The following PHACTR1 variants were observed in gnomAD, a reference collection of about 807,000 sequenced individuals.
PHACTR1 encodes the protein phosphatase and actin regulator 1.
Under a neutral mutation model 69.2 loss-of-function variants are expected in PHACTR1, and 16 were observed. The observed-to-expected ratio is 0.23, with a 90% confidence interval of 0.16 to 0.35. The LOEUF (loss-of-function observed/expected upper bound fraction) is 0.35. Among genes scored for constraint, PHACTR1 ranks in the 10% least tolerant of loss-of-function variants. The pLI is 1.00. For missense variants in PHACTR1, 510 were observed against 734.7 expected (o/e 0.69, Z 3.54); for synonymous variants, 312 against 284.5 (o/e 1.10, Z -0.97).
Position 12,737,425 on chromosome 6 carries a change from G to A in PHACTR1, c.104-12219G>A, listed in dbSNP as rs529521747. Among the ~76,000 whole-genome samples the A allele has an allele frequency of 2.0e-4, 30 of 150,382 alleles. No individual in the cohort carries two copies. The South Asian group carries it at 5.7e-3, about 29-fold the overall frequency. ...CACACACACACACACACACACGCAT[G>A]CACACATATGTGTCCAGAGAGATGA... On this transcript the variant is annotated intron_variant, in intron 3 of 14. Coordinates refer to ENST00000332995, the MANE Select transcript of PHACTR1 (RefSeq NM_030948.6).
At chr6:12,753,690 T>C (rs1475007628) in intron 4 of PHACTR1, among the ~76,000 whole-genome samples, 1 of 152,160 alleles carries the variant, frequency 6.6e-6, no homozygotes, top group Non-Finnish European at 1.5e-5. Context: ...CCACCAAGGA[T>C]AGCTGTTTCT....
chr6:12,761,496 G>T (rs549484924), intron 4 of PHACTR1, among the ~76,000 whole-genome samples: 1 of 152,288 alleles, frequency 6.6e-6, no homozygotes, highest in African/African-American at 2.4e-5. Flanking sequence ...TTTTACAAGT[G>T]TTTTTGAGTC....
At position 13,059,009 on chromosome 6, in the gene PHACTR1, G is replaced by T. The variant is rs146074271; in HGVS notation, c.415+5480G>T. Among the ~76,000 whole-genome samples, 750 of 152,244 alleles carry T rather than the reference G, an allele frequency of 4.9e-3. 9 individuals carry two copies. The highest frequency in any genetic ancestry group is 0.017 in the Middle Eastern group (5 of 294). ...TGAACTAATGTCTGGTGGTAGAAAAGGATGGATTTGGGAGATTTTATAAGG... is the reference window on the plus strand; with the variant it reads ...TGAACTAATGTCTGGTGGTAGAAAATGATGGATTTGGGAGATTTTATAAGG... On this transcript the variant is annotated intron_variant, in intron 5 of 14. Coordinates refer to ENST00000332995, the MANE Select transcript of PHACTR1 (RefSeq NM_030948.6).
intron 4 of PHACTR1, among the ~76,000 whole-genome samples, chr6:12,867,959 TAAG>T (rs759489447): frequency 2.6e-5 from 4 of 152,068 alleles, no homozygotes; most frequent in African/African-American, 4.8e-5. Context: ...TTGCTGGGAA[TAAG>T]AAGTTCAGGT....
At chr6:13,077,120 CA>C (rs1393541024) in intron 5 of PHACTR1, among the ~76,000 whole-genome samples, 1 of 146,340 alleles carries the variant, frequency 6.8e-6, no homozygotes, top group East Asian at 2.0e-4. Context: ...CAAAAAAAAA[CA>C]CTGAAGTTGG....
rs927189748 is a variant in PHACTR1 at position 12,890,390 on chromosome 6, A to G, written c.250+140600A>G. 3.9e-5 allele frequency among the ~76,000 whole-genome samples: 6 copies of G among 152,080 alleles called. No individual in the cohort carries two copies. The South Asian group carries it at 1.2e-3, about 32-fold the overall frequency. On this transcript the variant is annotated intron_variant, in intron 4 of 14. Transcript: ENST00000332995. Reference sequence around the variant, plus strand: ...TACTGCAGCCAGAGGGAGCCTTTTCAGTTGCAAGGCGGACTATGAGCCTCC... The same window carrying G: ...TACTGCAGCCAGAGGGAGCCTTTTCGGTTGCAAGGCGGACTATGAGCCTCC...
chr6:13,280,750 G>C (rs1310895342), intron 12 of PHACTR1: 2 of 341,888 alleles, frequency 5.8e-6, no homozygotes, highest in African/African-American at 4.3e-5. Flanking sequence ...CAGGCGCAGT[G>C]GCTCACGCCT....
At chr6:12,919,473 A>G (rs1787404364) in intron 4 of PHACTR1, among the ~76,000 whole-genome samples, 1 of 152,202 alleles carries the variant, frequency 6.6e-6, no homozygotes, top group Non-Finnish European at 1.5e-5. Flanking sequence ...AAGAAACACA[A>G]TCACATTGGA....
intron 4 of PHACTR1, among the ~76,000 whole-genome samples, chr6:12,871,045 G>T (rs1032848158): frequency 3.9e-5 from 6 of 152,102 alleles, no homozygotes; most frequent in African/African-American, 9.7e-5. Flanking sequence ...TAGCAAATGT[G>T]TGGCTGCAAC....
At chr6:12,948,898 A>G (rs1005673201) in intron 4 of PHACTR1, among the ~76,000 whole-genome samples, 6 of 152,212 alleles carry the variant, frequency 3.9e-5, no homozygotes, top group Admixed American at 6.5e-5. Flanking sequence ...AAGTCATAAG[A>G]GCACTTCAAA....
chr6:12,869,011 ATTCTATTTT>A (rs1452356287), intron 4 of PHACTR1, among the ~76,000 whole-genome samples: 43 of 152,076 alleles, frequency 2.8e-4, no homozygotes, highest in African/African-American at 9.9e-4. Context: ...GTCCTTGTGA[ATTCTATTTT>A]ACAATCACTA....
At chr6:13,125,641 T>C (rs1401457663) in intron 5 of PHACTR1, among the ~76,000 whole-genome samples, 1 of 152,156 alleles carries the variant, frequency 6.6e-6, no homozygotes, top group African/African-American at 2.4e-5. Flanking sequence ...TTAAAAAATA[T>C]TGTGTTTCTG....
intron 4 of PHACTR1, among the ~76,000 whole-genome samples, chr6:12,792,005 G>C (rs1772344385): frequency 6.6e-6 from 1 of 152,128 alleles, no homozygotes; most frequent in Non-Finnish European, 1.5e-5. Context: ...TGTCAAGGAA[G>C]GCAGCCCCAA....
intron 4 of PHACTR1, among the ~76,000 whole-genome samples, chr6:12,964,069 TA>T (rs535082962): frequency 2.0e-4 from 31 of 151,438 alleles, no homozygotes; most frequent in Admixed American, 2.6e-4. Context: ...ATTTCTCAAG[TA>T]AAAAAAAATG....
chr6:13,032,294 A>G (rs903817859), intron 4 of PHACTR1, among the ~76,000 whole-genome samples: 2 of 152,206 alleles, frequency 1.3e-5, no homozygotes, highest in African/African-American at 4.8e-5. Context: ...CGTTAAGTTC[A>G]GCTTATTTAT....
chr6:13,199,400 AAAAAAAAAAAAAC>A (rs1179930514), intron 7 of PHACTR1, among the ~76,000 whole-genome samples: 5 of 127,716 alleles, frequency 3.9e-5, no homozygotes, highest in African/African-American at 1.3e-4. Context: ...AAAAAAAAAA[AAAAAAAAAAAAAC>A]ATTGGCATCT....
At chr6:12,791,404 C>T (rs1772254213) in intron 4 of PHACTR1, among the ~76,000 whole-genome samples, 1 of 152,258 alleles carries the variant, frequency 6.6e-6, no homozygotes, top group East Asian at 1.9e-4. Context: ...AATAATACCC[C>T]AGGAACTTGT....
chr6:12,845,994 T>C (rs764404520), intron 4 of PHACTR1, among the ~76,000 whole-genome samples: 1 of 152,238 alleles, frequency 6.6e-6, no homozygotes, highest in Admixed American at 6.5e-5. Flanking sequence ...ATAGTTTAAA[T>C]GTAATTTGTT....
At chr6:13,224,090 A>G (rs1160393942) in intron 8 of PHACTR1, among the ~76,000 whole-genome samples, 2 of 152,264 alleles carry the variant, frequency 1.3e-5, no homozygotes, top group African/African-American at 2.4e-5. Context: ...TCATTCGGCT[A>G]AAGCAATAGA....
Sources: gnomAD v4.1 joint callset for allele counts (sites outside exome capture counted in the v4.1 genomes callset) on GRCh38, gnomAD v4.1.1 for gene constraint, MANE v1.5 for transcripts, NCBI Gene and HGNC (gene_info 2026-07-23, HGNC 2026-07-21) for gene names.